CDH13: variants seen among roughly 807,000 people sequenced by gnomAD.
CDH13 encodes cadherin 13.
CDH13 carries 24 observed loss-of-function variants against 63.8 expected under a neutral mutation model. The ratio of observed to expected loss-of-function variants is 0.38; its 90% CI spans 0.27 to 0.53. The LOEUF is 0.53. CDH13 is among the 20% of genes least tolerant of loss of function. CDH13 has a pLI of 0.85. For missense variants in CDH13, 1,049 were observed against 903.1 expected (o/e 1.16, Z -2.07); for synonymous variants, 503 against 355.3 (o/e 1.42, Z -4.67).
At chr16:82,863,366 C>G (rs1474864693) in intron 2 of CDH13, among the ~76,000 whole-genome samples, 1 of 152,214 alleles carries the variant, frequency 6.6e-6, no homozygotes, top group African/African-American at 2.4e-5. Context: ...CTTAGAAACA[C>G]TAGGGGAGGG....
intron 1 of CDH13, among the ~76,000 whole-genome samples, chr16:82,750,141 AG>A (rs757247486): frequency 5.9e-5 from 9 of 152,084 alleles, no homozygotes; most frequent in Non-Finnish European, 1.2e-4. Flanking sequence ...GTGCTTTTGG[AG>A]GTTAACTCCA....
intron 1 of CDH13, among the ~76,000 whole-genome samples, chr16:82,657,688 TAATGTA>T (rs2150919714): frequency 6.6e-6 from 1 of 152,270 alleles, no homozygotes; most frequent in Non-Finnish European, 1.5e-5. Flanking sequence ...TTGGGGAGGG[TAATGTA>T]AATTGTATTG....
At chr16:83,649,014 C>T (rs1335277365) in intron 8 of CDH13, among the ~76,000 whole-genome samples, 1 of 152,222 alleles carries the variant, frequency 6.6e-6, no homozygotes, top group Admixed American at 6.5e-5. Context: ...GACATCTTAT[C>T]ACTGGGGAAG....
intron 10 of CDH13, among the ~76,000 whole-genome samples, chr16:83,685,561 T>C (rs1340422869): frequency 6.6e-6 from 1 of 152,168 alleles, no homozygotes; most frequent in Non-Finnish European, 1.5e-5. Flanking sequence ...GTGAAAGAAA[T>C]AGTCTCTGTC....
intron 3 of CDH13, among the ~76,000 whole-genome samples, chr16:83,044,053 G>A (rs1021036731): frequency 6.6e-6 from 1 of 152,154 alleles, no homozygotes; most frequent in Non-Finnish European, 1.5e-5. Flanking sequence ...TTGAAAGGAT[G>A]GAAAGGATCA....
At chr16:82,811,877 G>A (rs919399387) in intron 1 of CDH13, among the ~76,000 whole-genome samples, 4 of 152,146 alleles carry the variant, frequency 2.6e-5, no homozygotes, top group Non-Finnish European at 5.9e-5. Context: ...AAGGGCCCAG[G>A]TTTAGGGAAG....
At position 82,756,006 on chromosome 16, in the gene CDH13, G is replaced by T. The variant is rs554228054; in HGVS notation, c.46-102356G>T. Among the ~76,000 whole-genome samples, 6 of 152,332 alleles carry T rather than the reference G, an allele frequency of 3.9e-5. No homozygotes were observed. In the South Asian group the frequency reaches 8.3e-4, roughly 21 times the overall value. On this transcript the variant is annotated intron_variant, in intron 1 of 13. Coordinates refer to ENST00000567109, the MANE Select transcript of CDH13 (RefSeq NM_001257.5). ...GAAGTTGCAGAGCGTTCTAGGAGGA[G>T]TGAAATACTTGAGTAGGGGCTGGGA...
chr16:82,836,251 C>A (rs777267618), intron 1 of CDH13, among the ~76,000 whole-genome samples: 3 of 152,064 alleles, frequency 2.0e-5, no homozygotes, highest in African/African-American at 7.2e-5. Context: ...TGGGTTCAAG[C>A]GATTCTCCTC....
chr16:82,980,500 A>G (rs1910120362), intron 2 of CDH13, among the ~76,000 whole-genome samples: 1 of 152,158 alleles, frequency 6.6e-6, no homozygotes, highest in South Asian at 2.1e-4. Flanking sequence ...GTTTTAGAGG[A>G]CCAAATAATG....
chr16:83,365,512 C>G (rs973680274), intron 6 of CDH13, among the ~76,000 whole-genome samples: 1 of 152,188 alleles, frequency 6.6e-6, no homozygotes, highest in Non-Finnish European at 1.5e-5. Context: ...CTGTTGTAGG[C>G]CAAATGTTGG....
chr16:83,733,073 C>T (rs111592225), intron 10 of CDH13, among the ~76,000 whole-genome samples: 4 of 152,326 alleles, frequency 2.6e-5, no homozygotes, highest in African/African-American at 9.6e-5. Flanking sequence ...GGAAGCTCCC[C>T]ACCTTGATCA....
At chr16:83,448,569 A>G (rs1250738295) in intron 6 of CDH13, among the ~76,000 whole-genome samples, 1 of 152,192 alleles carries the variant, frequency 6.6e-6, no homozygotes, top group Admixed American at 6.5e-5. Flanking sequence ...CTTTGGTTTA[A>G]CATGAGAAGA....
chr16:83,686,571 C>T (rs140677021), intron 10 of CDH13, among the ~76,000 whole-genome samples: 9 of 152,306 alleles, frequency 5.9e-5, no homozygotes, highest in African/African-American at 1.2e-4. Flanking sequence ...CATTTGCAAA[C>T]TATTTGTAGC....
intron 6 of CDH13, among the ~76,000 whole-genome samples, chr16:83,468,470 A>G (rs1304856083): frequency 2.6e-5 from 4 of 152,202 alleles, no homozygotes; most frequent in Non-Finnish European, 4.4e-5. Context: ...GAGACCAAAT[A>G]TCCGAAATCC....
intron 6 of CDH13, among the ~76,000 whole-genome samples, chr16:83,390,834 C>T (rs1597903539): frequency 1.3e-5 from 2 of 152,206 alleles, no homozygotes; most frequent in South Asian, 2.1e-4. Context: ...GAAGGAAGAG[C>T]CTCAACTCAG....
intron 2 of CDH13, among the ~76,000 whole-genome samples, chr16:82,929,837 A>C (rs116805154): frequency 0.011 from 1,716 of 151,816 alleles, 28 homozygotes; most frequent in African/African-American, 0.031. Context: ...AGCATCCCGA[A>C]GAGACCAAGA....
At chr16:83,779,406 C>CAAAAAAAAAA (rs144757645) in intron 11 of CDH13, among the ~76,000 whole-genome samples, 4 of 82,580 alleles carry the variant, frequency 4.8e-5, no homozygotes, top group African/African-American at 2.2e-4. Flanking sequence ...GACTCCATCT[C>CAAAAAAAAAA]AAAAAAAAAA....
intron 1 of CDH13, among the ~76,000 whole-genome samples, chr16:82,772,825 A>G (rs1345067497): frequency 6.6e-6 from 1 of 152,170 alleles, no homozygotes. Context: ...TCTGACTCCA[A>G]ATGCAAAGAT....
chr16:82,748,053 C>G (rs1039405913), intron 1 of CDH13, among the ~76,000 whole-genome samples: 2 of 152,104 alleles, frequency 1.3e-5, no homozygotes, highest in Non-Finnish European at 2.9e-5. Context: ...TGTTAAATGC[C>G]TTCCGTGGGT....
Sources: allele counts gnomAD v4.1 joint callset (sites outside exome capture counted in the v4.1 genomes callset), GRCh38; gene constraint gnomAD v4.1.1; transcripts MANE v1.5; gene names NCBI Gene and HGNC (gene_info 2026-07-23, HGNC 2026-07-21).